The following SESN1 variants were observed in gnomAD, a reference collection of about 807,000 sequenced individuals.
SESN1 encodes the protein sestrin 1, also known as sestrin-1.
Under a neutral mutation model 59.3 loss-of-function variants are expected in SESN1, and 30 were observed. The ratio of observed to expected loss-of-function variants is 0.51; its 90% CI spans 0.38 to 0.69. SESN1 has a LOEUF of 0.69. Among genes scored for constraint, SESN1 ranks in the 30% least tolerant of loss-of-function variants. The pLI is 0.00. For synonymous variants in SESN1, 197 were observed against 219.9 expected (o/e 0.90, Z 0.92); for missense variants, 566 against 673.0 (o/e 0.84, Z 1.76).
intron 2 of SESN1, 120 bp from the exon 3 acceptor site, chr6:109,001,608 A>T (rs967064539): frequency 1.2e-6 from 1 of 862,586 alleles, no homozygotes; most frequent in Non-Finnish European, 1.8e-6. Context: ...CTTAAGAAAG[A>T]GGGGTTACAA....
intron 1 of SESN1, among the ~76,000 whole-genome samples, chr6:109,020,568 T>C (rs1779994241): frequency 6.6e-6 from 1 of 152,148 alleles, no homozygotes; most frequent in South Asian, 2.1e-4. Context: ...CTGAACAAAT[T>C]GCACAGTGCA....
Position 108,987,187 on chromosome 6 carries a change from T to A in SESN1, c.*357A>T, listed in dbSNP as rs1219490976. 2 of 181,482 alleles carry A rather than the reference T, an allele frequency of 1.1e-5. No individual in the cohort carries two copies. Among genetic ancestry groups the A allele is most frequent in the Admixed American group, 6.2e-5 (1 of 16,168 alleles). 11.2% of individuals were successfully genotyped at this position (181,482 alleles called of 1,614,324 possible). On this transcript the variant is annotated 3_prime_UTR_variant, in exon 10 of 10. Coordinates refer to ENST00000436639, the MANE Select transcript of SESN1 (RefSeq NM_014454.3). Reference sequence around the variant, plus strand: ...TTTACATATAAAGCTTAAGTCATTATCCAAGTCCCATTCTTTGCATGCTCC... The same window carrying A: ...TTTACATATAAAGCTTAAGTCATTAACCAAGTCCCATTCTTTGCATGCTCC...
chr6:109,055,524 G>A (rs1780614971), intron 1 of SESN1, among the ~76,000 whole-genome samples: 1 of 151,806 alleles, frequency 6.6e-6, no homozygotes, highest in Admixed American at 6.6e-5. Flanking sequence ...TTAGCCGGGT[G>A]TGGTGGCAGG....
At chr6:109,087,287 A>T (rs1206651535) in intron 1 of SESN1, among the ~76,000 whole-genome samples, 1 of 152,186 alleles carries the variant, frequency 6.6e-6, no homozygotes, top group Non-Finnish European at 1.5e-5. Flanking sequence ...GATAGTACAG[A>T]TATGATTCCT....
chr6:109,092,601 T>C (rs1194868666), intron 1 of SESN1, among the ~76,000 whole-genome samples: 1 of 152,142 alleles, frequency 6.6e-6, no homozygotes. Flanking sequence ...TAATGGATCA[T>C]ATAGTCAGTC....
intron 1 of SESN1, among the ~76,000 whole-genome samples, chr6:109,088,484 G>T (rs193209390): frequency 2.6e-5 from 4 of 151,686 alleles, no homozygotes; most frequent in Admixed American, 2.0e-4. Context: ...TCCTGGAGGT[G>T]GGGGGGTAAT....
chr6:109,045,576 C>G (rs1780416051), intron 1 of SESN1, among the ~76,000 whole-genome samples: 1 of 152,222 alleles, frequency 6.6e-6, no homozygotes, highest in Admixed American at 6.5e-5. Context: ...ATGCTAATCT[C>G]TCTGACCAGA....
intron 1 of SESN1, among the ~76,000 whole-genome samples, chr6:109,050,394 A>AG (rs1780524245): frequency 6.6e-6 from 1 of 152,100 alleles, no homozygotes; most frequent in African/African-American, 2.4e-5. Context: ...TTGTTAAAAA[A>AG]AAAAAAAAAA....
intron 1 of SESN1, among the ~76,000 whole-genome samples, chr6:109,077,132 T>C (rs1251772464): frequency 6.6e-6 from 1 of 152,228 alleles, no homozygotes; most frequent in Non-Finnish European, 1.5e-5. Context: ...AATCTTATAG[T>C]ACCACTATTG....
intron 1 of SESN1, among the ~76,000 whole-genome samples, chr6:109,050,319 C>G (rs1403469363): frequency 6.6e-6 from 1 of 151,064 alleles, no homozygotes; most frequent in Non-Finnish European, 1.5e-5. Context: ...TCAAAACATT[C>G]AGCGGCTAGA....
intron 1 of SESN1, among the ~76,000 whole-genome samples, chr6:109,002,912 T>C (rs1297415314): frequency 6.6e-6 from 1 of 152,202 alleles, no homozygotes; most frequent in Non-Finnish European, 1.5e-5. Context: ...CTCATTTTGT[T>C]TGTAAGTTTG....
intron 1 of SESN1, among the ~76,000 whole-genome samples, chr6:109,034,683 A>G (rs7747432): frequency 0.072 from 10,991 of 152,212 alleles, 893 homozygotes; most frequent in African/African-American, 0.2. Context: ...AGGGAATGGG[A>G]GTGTGCATAG....
intron 1 of SESN1, among the ~76,000 whole-genome samples, chr6:109,077,377 T>C (rs888799489): frequency 6.6e-6 from 1 of 152,204 alleles, no homozygotes; most frequent in African/African-American, 2.4e-5. Context: ...ATTCACTATT[T>C]AAGTTCATCT....
chr6:109,079,201 A>AG (rs36096303), intron 1 of SESN1, among the ~76,000 whole-genome samples: 6 of 151,568 alleles, frequency 4.0e-5, no homozygotes, highest in Admixed American at 3.3e-4. Flanking sequence ...ACTGAAAAAA[A>AG]AAAAAAGAAA....
chr6:109,073,284 C>T (rs1214821474), intron 1 of SESN1, among the ~76,000 whole-genome samples: 1 of 152,124 alleles, frequency 6.6e-6, no homozygotes, highest in Non-Finnish European at 1.5e-5. Flanking sequence ...CCCTTTAGTG[C>T]ATATGAGTAC....
intron 1 of SESN1, among the ~76,000 whole-genome samples, chr6:109,046,143 A>G (rs2114427594): frequency 6.6e-6 from 1 of 151,932 alleles, no homozygotes; most frequent in Non-Finnish European, 1.5e-5. Flanking sequence ...TCTCATGCGG[A>G]GCCGAAGCTG....
chr6:109,036,432 G>C (rs1418815287), intron 1 of SESN1, among the ~76,000 whole-genome samples: 1 of 152,126 alleles, frequency 6.6e-6, no homozygotes, highest in Non-Finnish European at 1.5e-5. Flanking sequence ...ATAAAAGATG[G>C]CATGGCACTA....
At chr6:109,032,820 C>T (rs1562464557) in intron 1 of SESN1, among the ~76,000 whole-genome samples, 1 of 152,078 alleles carries the variant, frequency 6.6e-6, no homozygotes, top group East Asian at 1.9e-4. Flanking sequence ...GAAGATATAC[C>T]TTTTATAGCC....
At chr6:109,052,176 T>G (rs188526399) in intron 1 of SESN1, among the ~76,000 whole-genome samples, 181 of 152,326 alleles carry the variant, frequency 1.2e-3, no homozygotes, top group African/African-American at 4.2e-3. Context: ...GTTGCTTATT[T>G]TATTATAATC....
Sources: gnomAD v4.1 joint callset for allele counts (sites outside exome capture counted in the v4.1 genomes callset) on GRCh38, gnomAD v4.1.1 for gene constraint, MANE v1.5 for transcripts, NCBI Gene and HGNC (gene_info 2026-07-23, HGNC 2026-07-21) for gene names.